The following ORC6 variants were observed in gnomAD, a reference collection of about 807,000 sequenced individuals.
ORC6 encodes the protein origin recognition complex, subunit 6 homolog-like (yeast).
In ORC6, 31 loss-of-function variants were observed where a neutral mutation model predicts 30.0. That is an observed-to-expected ratio of 1.03 (90% CI 0.78 to 1.40). The LOEUF is 1.40. Ranked by LOEUF, ORC6 falls within the 40% of genes most tolerant of loss-of-function variation. ORC6 has a pLI of 0.00. For synonymous variants in ORC6, 136 were observed against 111.2 expected (o/e 1.22, Z -1.40); for missense variants, 340 against 304.3 (o/e 1.12, Z -0.87).
At chr16:46,690,899 G>C in intron 1 of ORC6, 92 bp from the exon 2 acceptor site, 1 of 1,356,064 alleles carries the variant, frequency 7.4e-7, no homozygotes, top group Non-Finnish European at 1.1e-6. Context: ...GTTAGGCTTA[G>C]TGTGAAGCTA....
chr16:46,691,862 A>G (rs892595382), intron 2 of ORC6, among the ~76,000 whole-genome samples: 1 of 152,020 alleles, frequency 6.6e-6, no homozygotes, highest in African/African-American at 2.4e-5. Flanking sequence ...TAAGTCTCCC[A>G]GACAGAGCTG....
At chr16:46,690,771 C>T in intron 1 of ORC6, 1 of 598,306 alleles carries the variant, frequency 1.7e-6, no homozygotes, top group South Asian at 1.8e-5. Context: ...CAAAATTTAA[C>T]TTCCTTTTGC....
rs1966509347 is a variant in ORC6 at position 46,695,600 on chromosome 16, C to T, written c.488C>T (p.Ala163Val). 1 of 1,613,530 alleles carries T rather than the reference C, an allele frequency of 6.2e-7. No homozygotes were observed. Among genetic ancestry groups the T allele is most frequent in the Non-Finnish European group, 8.5e-7 (1 of 1,179,644 alleles). The change falls in exon 5 of 7, where the codon GCC becomes GTC. Residue 163 changes from alanine (A) to valine (V), a missense_variant. Ala to Val is a moderately conservative substitution (Grantham distance 64, BLOSUM62 0). Transcript: ENST00000219097. ...KLKVDKNKMV[A>V]TSGVKKAIFD... ...AAAGTGGATAAAAACAAAATGGTAG[C>T]CACATCCGGTGTAAAAAAAGCTATA...
At chr16:46,689,836 C>T (rs2143010053) in intron 1 of ORC6, 66 bp downstream of exon 1, 1 of 1,491,932 alleles carries the variant, frequency 6.7e-7, no homozygotes, top group Non-Finnish European at 8.9e-7. Context: ...TCAGGTGAGG[C>T]CCGCGCCCTT....
chr16:46,689,760 G>C lies in ORC6; in HGVS notation c.55G>C (p.Asp19His), dbSNP rs1291829930. 6.3e-7 allele frequency: 1 copy of C among 1,596,940 alleles called. No homozygotes were observed. The highest frequency in any genetic ancestry group is 8.5e-7 in the Non-Finnish European group (1 of 1,172,624). Residue 19 changes from aspartate to histidine, a missense_variant, in exon 1 of 7, where the codon GAC (aspartate) becomes CAC (histidine). Transcript: ENST00000219097. ...CCCGCGCCTGGGCCTCGCCGAGCCC[G>C]ACATGCTGAGGTGAGTTCGGCCGCG... is the stretch of plus-strand genomic sequence containing the variant. ...LAPRLGLAEP[D>H]MLRKAEEYLR... is the part of the protein sequence containing the mutation.
intron 6 of ORC6, among the ~76,000 whole-genome samples, chr16:46,697,153 A>G (rs1195015469): frequency 1.3e-5 from 2 of 152,156 alleles, no homozygotes; most frequent in Non-Finnish European, 2.9e-5. Flanking sequence ...ATGTCTTGGA[A>G]TGCTTGGAGT....
In ORC6 at chr16:46,689,749, TCG is replaced by T; in HGVS notation, c.46_47del (p.Ala16ArgfsTer54). 1.3e-6 allele frequency: 2 copies of T among 1,599,944 alleles called. No homozygotes were observed. The highest frequency in any genetic ancestry group is 8.5e-7 in the Non-Finnish European group (1 of 1,173,846). On this transcript the variant is annotated frameshift_variant, in exon 1 of 7. Transcript: ENST00000219097. LOFTEE classifies it high-confidence loss of function. Reference sequence around the variant, plus strand: ...GGGCGCCTAGCCCCGCGCCTGGGCCTCGCCGAGCCCGACATGCTGAGGTGAGT... The same window carrying T: ...GGGCGCCTAGCCCCGCGCCTGGGCCTCCGAGCCCGACATGCTGAGGTGAGT...
intron 3 of ORC6, 150 bp from the exon 4 acceptor site, chr16:46,692,943 C>G (rs1021202288): frequency 4.3e-6 from 3 of 696,768 alleles, no homozygotes. Context: ...TTGTCCTGTT[C>G]TGGTTAATTT....
Position 46,690,990 on chromosome 16 carries a change from G to T in ORC6, c.66-1G>T. ...AGCGAACACACTGCCCTTTTAACCA[G>T]GAAAGCAGAGGAGTACTTGCGCCTG... is the stretch of plus-strand genomic sequence containing the variant. On this transcript the variant is annotated splice_acceptor_variant, in intron 1 of 6. Transcript: ENST00000219097. LOFTEE classifies it high-confidence loss of function. 6.2e-7 allele frequency: 1 copy of T among 1,614,192 alleles called. No individual in the cohort carries two copies. The highest frequency in any genetic ancestry group is 1.1e-5 in the South Asian group (1 of 91,084).
intron 4 of ORC6, chr16:46,694,936 T>C (rs1596736252): frequency 6.5e-6 from 1 of 152,974 alleles, no homozygotes; most frequent in Non-Finnish European, 1.5e-5. Flanking sequence ...TTGGCTCTAT[T>C]AGGTACATAC....
chr16:46,695,369 G>A (rs1966506610), intron 4 of ORC6, 193 bp from the exon 5 acceptor site: 1 of 589,002 alleles, frequency 1.7e-6, no homozygotes, highest in Non-Finnish European at 3.0e-6. Context: ...TAGATCCCAT[G>A]TGCATTTTAA....
rs1189979352 is a variant in ORC6 at position 46,694,637 on chromosome 16, G to GA, written c.450-925_450-924insA. On this transcript the variant is annotated intron_variant, in intron 4 of 6. Transcript: ENST00000219097. The stretch of plus-strand genomic sequence containing the variant: ...GGCCGGGGCGGCTGGCCGGGCGGGG[G>GA]GCTGACCCCCCCACAACACTGTCTC... 5.3e-5 allele frequency: 8 copies of GA among 150,944 alleles called. 1 individual carries two copies. The South Asian group carries it at 1.3e-3, about 24-fold the overall frequency. The allele number at this position is 150,944 out of a possible 1,614,324, so 9.4% of individuals were successfully genotyped here.
rs1458226289 is a variant in ORC6, at chr16:46,692,303, TATTAAAC to T, written c.196-77_196-71del. On this transcript the variant is annotated intron_variant, in intron 2 of 6. Transcript: ENST00000219097. ...ATTAATTTTGAAAAGTTATACTGCT[TATTAAAC>T]AAGTGTTTAAGGGTACTAATATATA... 3 of 1,202,086 alleles carry T rather than the reference TATTAAAC, an allele frequency of 2.5e-6. No individual in the cohort carries two copies. In the African/African-American group the frequency reaches 4.5e-5, roughly 18 times the overall value. 74.5% of individuals were successfully genotyped at this position (1,202,086 alleles called of 1,614,324 possible).
intron 3 of ORC6, 121 bp from the exon 4 acceptor site, chr16:46,692,972 A>G (rs1966464850): frequency 1.4e-6 from 1 of 736,704 alleles, no homozygotes; most frequent in East Asian, 2.5e-5. Context: ...AAAAAAAATG[A>G]CTCGTGTTAA....
At chr16:46,690,561 T>G (rs1177260163) in intron 1 of ORC6, among the ~76,000 whole-genome samples, 1 of 152,206 alleles carries the variant, frequency 6.6e-6, no homozygotes, top group Non-Finnish European at 1.5e-5. Context: ...GGGTCCCACC[T>G]CAAGCCTGCT....
intron 2 of ORC6, among the ~76,000 whole-genome samples, chr16:46,691,551 C>T (rs1330053551): frequency 6.6e-6 from 1 of 152,190 alleles, no homozygotes; most frequent in Non-Finnish European, 1.5e-5. Context: ...GATAAAATAT[C>T]CAATTTCGCT....
At chr16:46,693,731 C>T (rs1282317517) in intron 4 of ORC6, 1 of 157,586 alleles carries the variant, frequency 6.3e-6, no homozygotes, top group Non-Finnish European at 1.4e-5. Flanking sequence ...CTCACTGGAG[C>T]CTAGGAGTTC....
At chr16:46,691,958 A>ACACACACACACTCTCT in intron 2 of ORC6, among the ~76,000 whole-genome samples, 72 of 36,660 alleles carry the variant, frequency 2.0e-3, no homozygotes, top group African/African-American at 5.3e-3. Flanking sequence ...ACACACACAC[A>ACACACACACACTCTCT]CTCTCTCTCT....
Position 46,695,551 on chromosome 16 carries a change from T to C in ORC6, c.450-11T>C, listed in dbSNP as rs773549963. Reference sequence around the variant, plus strand: ...GTCTTGAGAAAAGCAACTTATGAAATTGTTTTGTAGGATTCTAAAGCTGAA... The same window carrying C: ...GTCTTGAGAAAAGCAACTTATGAAACTGTTTTGTAGGATTCTAAAGCTGAA... On this transcript the variant is annotated splice_polypyrimidine_tract_variant and intron_variant, in intron 4 of 6. Coordinates refer to ENST00000219097, the MANE Select transcript of ORC6 (RefSeq NM_014321.4). 6 of 1,558,778 alleles carry C rather than the reference T, an allele frequency of 3.8e-6. No homozygotes were observed. In the South Asian group the frequency reaches 6.7e-5, roughly 17 times the overall value.
Sources: gnomAD v4.1 joint callset for allele counts (sites outside exome capture counted in the v4.1 genomes callset) on GRCh38, gnomAD v4.1.1 for gene constraint, MANE v1.5 for transcripts, NCBI Gene and HGNC (gene_info 2026-07-23, HGNC 2026-07-21) for gene names.